The following CAMK1D variants were observed in gnomAD, a reference collection of about 807,000 sequenced individuals.
The protein encoded by CAMK1D is calcium/calmodulin-dependent protein kinase type 1D.
In CAMK1D, 9 loss-of-function variants were observed where a neutral mutation model predicts 47.7. The observed-to-expected ratio is 0.19, with a 90% CI of 0.11 to 0.33. CAMK1D has a LOEUF of 0.33. Among genes scored for constraint, CAMK1D ranks in the 10% least tolerant of loss-of-function variants. The probability of loss-of-function intolerance (pLI) is 1.00; values close to 1 mark genes in which losing one functional copy is unlikely to be tolerated. For synonymous variants in CAMK1D, 184 were observed against 184.9 expected, an observed-to-expected ratio of 0.99 and a Z score of 0.04; for missense variants, 291 against 488.7, an observed-to-expected ratio of 0.60 and a Z score of 3.81.
intron 5 of CAMK1D, among the ~76,000 whole-genome samples, chr10:12,782,452 T>A (rs1837541526): frequency 6.6e-6 from 1 of 152,208 alleles, no homozygotes; most frequent in African/African-American, 2.4e-5. Context: ...AGCTTAATTT[T>A]ATTTTTCCTG....
At chr10:12,595,616 C>CCATGCGT (rs56743851) in intron 2 of CAMK1D, among the ~76,000 whole-genome samples, 2,305 of 152,170 alleles carry the variant, frequency 0.015, 67 homozygotes, top group African/African-American at 0.053. Context: ...GTGCTCTGGG[C>CCATGCGT]CATGCGTCTT....
chr10:12,511,467 C>T (rs2768448), intron 1 of CAMK1D, among the ~76,000 whole-genome samples: 15,062 of 152,034 alleles, frequency 0.099, 959 homozygotes, highest in East Asian at 0.36. Flanking sequence ...ACAAATTGGT[C>T]AGGTGTGGTG....
At chr10:12,589,674 C>A (rs1837938980) in intron 2 of CAMK1D, among the ~76,000 whole-genome samples, 1 of 152,140 alleles carries the variant, frequency 6.6e-6, no homozygotes, top group South Asian at 2.1e-4. Flanking sequence ...GCTCCTCCAA[C>A]ACAGGGAGTA....
intron 3 of CAMK1D, among the ~76,000 whole-genome samples, chr10:12,740,327 A>C (rs1023826468): frequency 1.3e-5 from 2 of 152,218 alleles, no homozygotes; most frequent in Non-Finnish European, 2.9e-5. Flanking sequence ...GGCCAGGCAC[A>C]GTGGCTCACG....
intron 1 of CAMK1D, among the ~76,000 whole-genome samples, chr10:12,541,918 C>T (rs1171674555): frequency 7.9e-6 from 1 of 126,878 alleles, no homozygotes; most frequent in Non-Finnish European, 1.7e-5. Context: ...CTTTGTCACC[C>T]TGGCTGGAGT....
intron 3 of CAMK1D, among the ~76,000 whole-genome samples, chr10:12,760,054 A>G: frequency 6.6e-6 from 1 of 152,010 alleles, no homozygotes; most frequent in East Asian, 1.9e-4. Flanking sequence ...TATTTCCAAG[A>G]TGGCTTAATG....
chr10:12,536,413 G>T (rs1382657266), intron 1 of CAMK1D, among the ~76,000 whole-genome samples: 3 of 152,130 alleles, frequency 2.0e-5, no homozygotes, highest in African/African-American at 7.2e-5. Flanking sequence ...AGAGTAGCTG[G>T]GATTACAGGT....
rs77108176 is a variant in CAMK1D, at chr10:12,557,022, G to A, written c.224+3666G>A. Among the ~76,000 whole-genome samples, 275 of 152,248 alleles carry A rather than the reference G, an allele frequency of 1.8e-3. 9 individuals carry two copies. In the East Asian group the frequency reaches 0.048, roughly 27 times the overall value. ...GAATGGGGAGAGCAGGGAGGGAGAC[G>A]GAGGATTCCAGGAGGGCTGCCGAGT... On this transcript the variant is annotated intron_variant, in intron 2 of 10. Coordinates refer to ENST00000619168, the MANE Select transcript of CAMK1D (RefSeq NM_153498.4).
At chr10:12,691,372 TA>T (rs1832886752) in intron 3 of CAMK1D, among the ~76,000 whole-genome samples, 2 of 7,422 alleles carry the variant, frequency 2.7e-4, no homozygotes, top group African/African-American at 4.7e-4. Flanking sequence ...TATATATATA[TA>T]TATAAATATA....
chr10:12,462,413 C>G (rs1022252736), intron 1 of CAMK1D, among the ~76,000 whole-genome samples: 10 of 151,938 alleles, frequency 6.6e-5, no homozygotes, highest in Admixed American at 4.6e-4. Flanking sequence ...ATCCGCCCAC[C>G]CTGGCCTCCC....
intron 5 of CAMK1D, among the ~76,000 whole-genome samples, chr10:12,773,312 G>C: frequency 6.6e-6 from 1 of 152,170 alleles, no homozygotes; most frequent in African/African-American, 2.4e-5. Context: ...CACAGGGGCT[G>C]GGTTCCAAGA....
At chr10:12,420,523 G>T (rs187499557) in intron 1 of CAMK1D, among the ~76,000 whole-genome samples, 119 of 151,876 alleles carry the variant, frequency 7.8e-4, no homozygotes, top group Non-Finnish European at 1.4e-3. Context: ...TTATTGATTT[G>T]TTTGGGACTT....
At chr10:12,406,542 A>G (rs1839431028) in intron 1 of CAMK1D, among the ~76,000 whole-genome samples, 1 of 151,534 alleles carries the variant, frequency 6.6e-6, no homozygotes, top group Non-Finnish European at 1.5e-5. Context: ...CCCTGTCTCT[A>G]CAAAAAACAA....
chr10:12,485,736 A>G (rs1208776109), intron 1 of CAMK1D, among the ~76,000 whole-genome samples: 1 of 152,236 alleles, frequency 6.6e-6, no homozygotes, highest in African/African-American at 2.4e-5. Flanking sequence ...AGGGTCACCG[A>G]TAAGGGAGGG....
At position 12,752,765 on chromosome 10, in the gene CAMK1D, A is replaced by G. The variant is rs1320595792; in HGVS notation, c.300-8183A>G. 2.6e-5 allele frequency among the ~76,000 whole-genome samples: 4 copies of G among 152,272 alleles called. No homozygotes were observed. The East Asian group carries it at 7.7e-4, about 29-fold the overall frequency. ...TTCTCCGTAAGTTTTTAGTAGAGTCACTGACCCAAGAGAGACCAGGACGTG... is the reference window on the plus strand; with the variant it reads ...TTCTCCGTAAGTTTTTAGTAGAGTCGCTGACCCAAGAGAGACCAGGACGTG... On this transcript the variant is annotated intron_variant, in intron 3 of 10. Coordinates refer to ENST00000619168, the MANE Select transcript of CAMK1D (RefSeq NM_153498.4).
At chr10:12,628,360 C>A (rs760687292) in intron 2 of CAMK1D, among the ~76,000 whole-genome samples, 1 of 152,102 alleles carries the variant, frequency 6.6e-6, no homozygotes, top group African/African-American at 2.4e-5. Flanking sequence ...AAATTTTAGC[C>A]ATTCTAGTAT....
rs1018096196 is a variant in CAMK1D, at chr10:12,354,528, C to T, written c.92+4618C>T. Among the ~76,000 whole-genome samples, 16 of 151,212 alleles carry T rather than the reference C, an allele frequency of 1.1e-4. No individual in the cohort carries two copies. The East Asian group carries it at 1.6e-3, about 15-fold the overall frequency. Reference sequence around the variant, plus strand: ...GCAACCTCCGCCTCCCAGGTTCAAGCGATTCCCCTGCCTCAGCCTCCCAAG... The same window carrying T: ...GCAACCTCCGCCTCCCAGGTTCAAGTGATTCCCCTGCCTCAGCCTCCCAAG... On this transcript the variant is annotated intron_variant, in intron 1 of 10. Transcript: ENST00000619168.
chr10:12,716,310 C>A (rs1208376445), intron 3 of CAMK1D, among the ~76,000 whole-genome samples: 1 of 152,134 alleles, frequency 6.6e-6, no homozygotes, highest in African/African-American at 2.4e-5. Context: ...CCACTAGATG[C>A]CAGTAGCATC....
intron 3 of CAMK1D, among the ~76,000 whole-genome samples, chr10:12,714,515 T>TA (rs1316339549): frequency 2.0e-5 from 3 of 152,078 alleles, no homozygotes; most frequent in African/African-American, 7.2e-5. Flanking sequence ...GGTCAGGAGT[T>TA]AGAGACCAGC....
Sources: gnomAD v4.1 joint callset for allele counts (sites outside exome capture counted in the v4.1 genomes callset) on GRCh38, gnomAD v4.1.1 for gene constraint, MANE v1.5 for transcripts, NCBI Gene and HGNC (gene_info 2026-07-23, HGNC 2026-07-21) for gene names.